The following NIPBL variants were observed in gnomAD, a reference collection of about 807,000 sequenced individuals.
NIPBL encodes NIPBL cohesin loading factor.
In NIPBL, 19 loss-of-function variants were observed where a neutral mutation model predicts 321.8. The ratio of observed to expected loss-of-function variants is 0.06; its 90% confidence interval spans 0.04 to 0.09. The LOEUF is 0.09. Among genes scored for constraint, NIPBL ranks in the 10% least tolerant of loss-of-function variants. The pLI, the probability that NIPBL is intolerant of heterozygous loss-of-function variation, is 1.00. For synonymous variants in NIPBL, 1,106 were observed against 1,114.1 expected, an observed-to-expected ratio of 0.99 and a Z score of 0.14; for missense variants, 2,210 against 3,327.0, an observed-to-expected ratio of 0.66 and a Z score of 8.26.
chr5:37,020,705 A>G, intron 26 of NIPBL, 32 bp downstream of exon 26: 1 of 1,593,520 alleles, frequency 6.3e-7, no homozygotes, highest in Non-Finnish European at 8.6e-7. Context: ...GTTTACATTT[A>G]TCTCCTTGAT....
At chr5:36,987,658 C>T (rs998194482) in intron 10 of NIPBL, among the ~76,000 whole-genome samples, 7 of 152,028 alleles carry the variant, frequency 4.6e-5, no homozygotes, top group African/African-American at 1.2e-4. Context: ...AATTTATTTC[C>T]TTTTGTCTTA....
At chr5:36,895,495 T>A (rs1024304173) in intron 1 of NIPBL, among the ~76,000 whole-genome samples, 3 of 152,206 alleles carry the variant, frequency 2.0e-5, no homozygotes, top group Non-Finnish European at 4.4e-5. Flanking sequence ...GGGCAAAATT[T>A]TTAGGTCATG....
chr5:36,943,753 A>G (rs1385402217), intron 1 of NIPBL, among the ~76,000 whole-genome samples: 2 of 152,134 alleles, frequency 1.3e-5, no homozygotes, highest in African/African-American at 2.4e-5. Context: ...ACGGAGAGGA[A>G]GATAAAAAGA....
At chr5:36,965,774 C>T (rs1241712179) in intron 6 of NIPBL, among the ~76,000 whole-genome samples, 1 of 151,988 alleles carries the variant, frequency 6.6e-6, no homozygotes, top group Non-Finnish European at 1.5e-5. Flanking sequence ...TCACATGTAT[C>T]CCAGAAATAC....
At chr5:36,990,038 A>G (rs1230353144) in intron 10 of NIPBL, among the ~76,000 whole-genome samples, 1 of 151,844 alleles carries the variant, frequency 6.6e-6, no homozygotes, top group African/African-American at 2.4e-5. Context: ...CTTCTTTCCA[A>G]CTAGTATATC....
chr5:36,887,398 C>A (rs751605563), intron 1 of NIPBL, among the ~76,000 whole-genome samples: 1 of 152,150 alleles, frequency 6.6e-6, no homozygotes, highest in Non-Finnish European at 1.5e-5. Flanking sequence ...TAGTGAATAA[C>A]AGTCACAGCC....
At chr5:37,055,539 A>T (rs1754001707) in intron 42 of NIPBL, among the ~76,000 whole-genome samples, 2 of 151,998 alleles carry the variant, frequency 1.3e-5, no homozygotes, top group Admixed American at 1.3e-4. Context: ...AGGAGTACAT[A>T]AAAAGGGAGT....
At chr5:37,064,428 A>C in intron 46 of NIPBL, 99 bp from the exon 47 acceptor site, 2 of 1,573,262 alleles carry the variant, frequency 1.3e-6, no homozygotes, top group South Asian at 2.3e-5. Context: ...GGAAATCCCA[A>C]CTCCCGGCGT....
intron 1 of NIPBL, among the ~76,000 whole-genome samples, chr5:36,952,049 TGTGTGCGC>T (rs1210239130): frequency 4.8e-4 from 55 of 113,888 alleles, no homozygotes; most frequent in South Asian, 8.8e-4. Flanking sequence ...TGTGTGTGTG[TGTGTGCGC>T]GCGCGCGCGC....
intron 6 of NIPBL, among the ~76,000 whole-genome samples, chr5:36,969,979 C>T (rs1334717035): frequency 6.6e-6 from 1 of 152,182 alleles, no homozygotes; most frequent in East Asian, 1.9e-4. Flanking sequence ...CAAGAACATA[C>T]ATTGCAGCAT....
rs1296688236 is a variant in NIPBL at position 37,045,958 on chromosome 5, C to T, written c.6499-151C>T. Reference sequence around the variant, plus strand: ...TTGTCACAGACTGATACTTTGAATGCCACTGTTCTAAAATAAATGGAATTG... The same window carrying T: ...TTGTCACAGACTGATACTTTGAATGTCACTGTTCTAAAATAAATGGAATTG... On this transcript the variant is annotated intron_variant, in intron 37 of 46. Transcript: ENST00000282516. 4.3e-5 allele frequency: 26 copies of T among 605,038 alleles called. No homozygotes were observed. In the Admixed American group the frequency reaches 4.6e-4, roughly 11 times the overall value. The allele number at this position is 605,038 out of a possible 1,614,324, so 37.5% of individuals were successfully genotyped here.
At chr5:36,990,805 G>A (rs1179700853) in intron 10 of NIPBL, among the ~76,000 whole-genome samples, 2 of 152,040 alleles carry the variant, frequency 1.3e-5, no homozygotes, top group African/African-American at 2.4e-5. Flanking sequence ...GTTTGCTGGA[G>A]GTATTCTCTC....
intron 1 of NIPBL, among the ~76,000 whole-genome samples, chr5:36,881,688 G>A (rs1674889800): frequency 6.6e-6 from 1 of 151,900 alleles, no homozygotes; most frequent in African/African-American, 2.4e-5. Context: ...TATCTTTTGG[G>A]TGTTAGTTGA....
chr5:37,061,837 G>T (rs1754710901), intron 45 of NIPBL, among the ~76,000 whole-genome samples: 1 of 151,638 alleles, frequency 6.6e-6, no homozygotes, highest in Non-Finnish European at 1.5e-5. Flanking sequence ...ATTTTTTATT[G>T]TAATGCTGTT....
chr5:37,064,921 G>A lies in NIPBL; in HGVS notation c.*29G>A. On this transcript the variant is annotated 3_prime_UTR_variant, in exon 47 of 47. Coordinates refer to ENST00000282516, the MANE Select transcript of NIPBL (RefSeq NM_133433.4). ...ATTTGTACATGCAGCCAAATTTACA[G>A]GAATTTTTTTAAAAGGCAGAAAAAC... 6.2e-7 allele frequency: 1 copy of A among 1,613,542 alleles called. No homozygotes were observed. The highest frequency in any genetic ancestry group is 8.5e-7 in the Non-Finnish European group (1 of 1,179,876).
intron 24 of NIPBL, among the ~76,000 whole-genome samples, chr5:37,019,063 A>C (rs1749326147): frequency 6.6e-6 from 1 of 152,310 alleles, no homozygotes; most frequent in South Asian, 2.1e-4. Flanking sequence ...AGATAGTGCC[A>C]CTGGACTCCA....
At chr5:36,910,171 T>C (rs965505319) in intron 1 of NIPBL, among the ~76,000 whole-genome samples, 8 of 152,166 alleles carry the variant, frequency 5.3e-5, no homozygotes, top group Non-Finnish European at 8.8e-5. Flanking sequence ...TGACTTCTTA[T>C]ATTGTTGAAA....
chr5:36,971,287 A>G (rs2149620608), intron 7 of NIPBL, among the ~76,000 whole-genome samples: 1 of 151,728 alleles, frequency 6.6e-6, no homozygotes, highest in African/African-American at 2.4e-5. Context: ...AAAATGTGAT[A>G]GAGACTGTAT....
At chr5:37,009,532 A>G (rs1449225480) in intron 20 of NIPBL, among the ~76,000 whole-genome samples, 3 of 152,226 alleles carry the variant, frequency 2.0e-5, no homozygotes, top group Non-Finnish European at 4.4e-5. Context: ...ACTGATAAAC[A>G]TTTATTGTCT....
Sources: gnomAD v4.1 joint callset for allele counts (sites outside exome capture counted in the v4.1 genomes callset) on GRCh38, gnomAD v4.1.1 for gene constraint, MANE v1.5 for transcripts, NCBI Gene and HGNC (gene_info 2026-07-23, HGNC 2026-07-21) for gene names.